Variants in GNB4 observed in about 807,000 individuals in gnomAD.
The protein encoded by GNB4 is guanine nucleotide-binding protein subunit beta-4.
GNB4 carries 28 observed loss-of-function variants against 45.2 expected under a neutral mutation model. The ratio of observed to expected loss-of-function variants is 0.62; its 90% CI spans 0.46 to 0.85. The LOEUF (loss-of-function observed/expected upper bound fraction) is 0.85, where lower values mean the gene tolerates loss of function less well. Among genes scored for constraint, GNB4 ranks in the 40% least tolerant of loss-of-function variants. GNB4 has a pLI of 0.00. For missense variants in GNB4, 321 were observed against 425.4 expected, an observed-to-expected ratio of 0.75 and a Z score of 2.16; for synonymous variants, 132 against 143.7, an observed-to-expected ratio of 0.92 and a Z score of 0.58.
At chr3:179,520,156 T>TTC in the GNB4 span, among the ~76,000 whole-genome samples, 3 of 12,272 alleles carry the variant, frequency 2.4e-4, no homozygotes, top group East Asian at 0.083. Context: ...CCAGCCTCTC[T>TTC]GCTTTCACTT....
At chr3:179,471,204 C>A in the GNB4 span, among the ~76,000 whole-genome samples, 14 of 135,440 alleles carry the variant, frequency 1.0e-4, 1 homozygote, top group Admixed American at 1.5e-4. Flanking sequence ...AAAGTATCAG[C>A]AAGCTAAGCT....
chr3:179,496,314 G>C, the GNB4 span, among the ~76,000 whole-genome samples: 178 of 151,884 alleles, frequency 1.2e-3, 1 homozygote, highest in African/African-American at 4.1e-3. Context: ...GCCTATAGTA[G>C]ATACCTAAGA....
chr3:179,470,917 C>G, the GNB4 span, among the ~76,000 whole-genome samples: 1 of 152,128 alleles, frequency 6.6e-6, no homozygotes, highest in African/African-American at 2.4e-5. Flanking sequence ...CCGTGGCTTA[C>G]GCCTGTAATC....
the GNB4 span, among the ~76,000 whole-genome samples, chr3:179,489,003 A>T: frequency 0.038 from 1,386 of 36,362 alleles, 184 homozygotes; most frequent in East Asian, 0.067. Context: ...AAAAAAAAAA[A>T]AAAAAAAAAA....
At chr3:179,513,312 T>A in the GNB4 span, among the ~76,000 whole-genome samples, 1 of 150,862 alleles carries the variant, frequency 6.6e-6, no homozygotes. Flanking sequence ...GCCTCCCAAG[T>A]AGCCAGGACT....
chr3:179,512,768 T>G, the GNB4 span, among the ~76,000 whole-genome samples: 1 of 152,194 alleles, frequency 6.6e-6, no homozygotes, highest in African/African-American at 2.4e-5. Flanking sequence ...TATCTATAGC[T>G]TTTAGTAGGA....
the GNB4 span, among the ~76,000 whole-genome samples, chr3:179,516,656 A>G: frequency 6.6e-6 from 1 of 152,308 alleles, no homozygotes; most frequent in African/African-American, 2.4e-5. Flanking sequence ...TGTAACCTAC[A>G]TGGAAGAGGT....
chr3:179,490,749 C>T, the GNB4 span, among the ~76,000 whole-genome samples: 2 of 152,138 alleles, frequency 1.3e-5, no homozygotes, highest in African/African-American at 2.4e-5. Flanking sequence ...TTGCATGGTG[C>T]CTACCTACTT....
At chr3:179,500,422 G>A in the GNB4 span, among the ~76,000 whole-genome samples, 1 of 152,182 alleles carries the variant, frequency 6.6e-6, no homozygotes, top group Non-Finnish European at 1.5e-5. Flanking sequence ...TCAGCCCTCC[G>A]TTCTGTTCCA....
intron 9 of GNB4, among the ~76,000 whole-genome samples, chr3:179,401,562 G>C (rs183036110): frequency 1.3e-3 from 198 of 152,182 alleles, no homozygotes; most frequent in African/African-American, 4.5e-3. Flanking sequence ...ATCAATTTGT[G>C]GTTTTAATTT....
At chr3:179,507,742 G>A in the GNB4 span, among the ~76,000 whole-genome samples, 1 of 152,052 alleles carries the variant, frequency 6.6e-6, no homozygotes, top group East Asian at 1.9e-4. Context: ...TACTCCCTTT[G>A]TTCTCCCAAG....
At chr3:179,462,984 T>C in the GNB4 span, among the ~76,000 whole-genome samples, 1 of 152,160 alleles carries the variant, frequency 6.6e-6, no homozygotes, top group African/African-American at 2.4e-5. Context: ...AAACAAGAGC[T>C]AATGAAGAAA....
intron 1 of GNB4, among the ~76,000 whole-genome samples, chr3:179,449,555 C>A (rs80344601): frequency 6.6e-6 from 1 of 152,226 alleles, no homozygotes; most frequent in African/African-American, 2.4e-5. Flanking sequence ...GCTTCGAATC[C>A]CAGTTGAGTT....
At chr3:179,465,031 A>C in the GNB4 span, 1 of 1,508,760 alleles carries the variant, frequency 6.6e-7, no homozygotes, top group Non-Finnish European at 9.2e-7. Flanking sequence ...CCACTGTTAC[A>C]ATATCTTATC....
chr3:179,419,386 G>A lies in GNB4; in HGVS notation c.203+13C>T. ...CAACAGTTTAAAAATGACAGGTAAT[G>A]ACAGGTACAAACCTGGAATCGTATC... On this transcript the variant is annotated intron_variant, in intron 4 of 9. Transcript: ENST00000232564. 1 of 1,424,118 alleles carries A rather than the reference G, an allele frequency of 7.0e-7. No individual in the cohort carries two copies. The highest frequency in any genetic ancestry group is 2.3e-5 in the East Asian group (1 of 43,960). The allele number at this position is 1,424,118 out of a possible 1,614,324, so 88.2% of individuals were successfully genotyped here.
intron 1 of GNB4, among the ~76,000 whole-genome samples, chr3:179,446,240 G>T (rs1715721855): frequency 6.6e-6 from 1 of 152,170 alleles, no homozygotes; most frequent in East Asian, 1.9e-4. Context: ...AAGATTTAGG[G>T]CACTGACTCT....
At chr3:179,432,512 A>G (rs956867968) in intron 1 of GNB4, among the ~76,000 whole-genome samples, 5 of 152,162 alleles carry the variant, frequency 3.3e-5, no homozygotes, top group Admixed American at 3.3e-4. Context: ...AGACAAACCT[A>G]AAGGCTGACT....
chr3:179,513,007 T>A, the GNB4 span, among the ~76,000 whole-genome samples: 3 of 151,990 alleles, frequency 2.0e-5, no homozygotes, highest in African/African-American at 4.8e-5. Flanking sequence ...TATTTTTTTT[T>A]ATATCTCGTG....
Position 179,399,691 on chromosome 3 carries a change from CAA to C in GNB4, c.*1520_*1521del, listed in dbSNP as rs889404016. 1.2e-4 allele frequency: 19 copies of C among 152,056 alleles called. No homozygotes were observed. The highest frequency in any genetic ancestry group is 4.1e-4 in the African/African-American group (17 of 41,412). The allele number at this position is 152,056 out of a possible 1,614,324, so 9.4% of individuals were successfully genotyped here. On this transcript the variant is annotated 3_prime_UTR_variant, in exon 10 of 10. Transcript: ENST00000232564. Reference sequence around the variant, plus strand: ...TATTAGCACATTCACAACATAAAAACAAAAATTTAGAGGTAAAGTTTGGGAGT... The same window carrying C: ...TATTAGCACATTCACAACATAAAAACAAATTTAGAGGTAAAGTTTGGGAGT...
Sources: allele counts gnomAD v4.1 joint callset (sites outside exome capture counted in the v4.1 genomes callset), GRCh38; gene constraint gnomAD v4.1.1; transcripts MANE v1.5; gene names NCBI Gene and HGNC (gene_info 2026-07-23, HGNC 2026-07-21).